Variants in LUZP2 observed in about 807,000 individuals in gnomAD.
LUZP2 encodes the protein leucine zipper protein 2.
LUZP2 carries 52 observed loss-of-function variants against 51.6 expected under a neutral mutation model. The observed-to-expected ratio is 1.01, with a 90% confidence interval of 0.81 to 1.27. The LOEUF is 1.27. Among genes scored for constraint, LUZP2 ranks in the 50% most tolerant of loss-of-function variants. The pLI is 0.00. For synonymous variants in LUZP2, 154 were observed against 137.3 expected (o/e 1.12, Z -0.85); for missense variants, 436 against 395.4 (o/e 1.10, Z -0.87).
rs1365375637 is a variant in LUZP2 at position 24,600,207 on chromosome 11, ACACACACACACG to A, written c.62+102907_62+102918del. Among the ~76,000 whole-genome samples the A allele has an allele frequency of 1.7e-3, 225 of 132,764 alleles. 2 individuals carry two copies. Among genetic ancestry groups the A allele is most frequent in the African/African-American group, 5.8e-3 (208 of 35,634 alleles). 87.1% of individuals were successfully genotyped at this position (132,764 alleles called of 152,430 possible). On this transcript the variant is annotated intron_variant, in intron 1 of 11. Coordinates refer to ENST00000336930, the MANE Select transcript of LUZP2 (RefSeq NM_001009909.4). ...CACACACACACACACACACACACAC[ACACACACACACG>A]CACAATGGGGTAACATCATGTGAAG...
chr11:24,758,520 A>G (rs1000148943), intron 4 of LUZP2, among the ~76,000 whole-genome samples: 2 of 152,090 alleles, frequency 1.3e-5, no homozygotes, highest in Admixed American at 6.6e-5. Flanking sequence ...TAGGTTAAAT[A>G]AGGATTAAAT....
chr11:24,768,165 ACT>A (rs1232657775), intron 5 of LUZP2, among the ~76,000 whole-genome samples: 1 of 151,768 alleles, frequency 6.6e-6, no homozygotes, highest in Non-Finnish European at 1.5e-5. Flanking sequence ...ACAGGGTCTC[ACT>A]CTGTCGCCCT....
intron 1 of LUZP2, among the ~76,000 whole-genome samples, chr11:24,592,205 C>T (rs1446224116): frequency 2.0e-5 from 3 of 152,182 alleles, no homozygotes; most frequent in African/African-American, 7.2e-5. Context: ...TTAGATTTAT[C>T]TGCCTGACAA....
At chr11:24,850,618 C>T (rs757458749) in intron 5 of LUZP2, among the ~76,000 whole-genome samples, 8 of 152,012 alleles carry the variant, frequency 5.3e-5, no homozygotes, top group Non-Finnish European at 5.9e-5. Flanking sequence ...TTTTTTATTC[C>T]ATATGAAATT....
chr11:25,077,348 T>C lies in LUZP2; in HGVS notation c.878T>C (p.Met293Thr). 6.2e-7 allele frequency: 1 copy of C among 1,612,858 alleles called. No homozygotes were observed. The part of the protein sequence containing the change: ...DSQDEGRPCS[M>T]KHKESPPSNA... ...TTGTAGGAGGGCAGACCGTGTTCCA[T>C]GAAGCACAAAGAAAGTCCCCCAAGT... The change falls in exon 11 of 12, where the codon ATG becomes ACG. Residue 293 changes from methionine to threonine, a missense_variant. By Grantham distance (81) the Met-to-Thr change is moderately conservative. Transcript: ENST00000336930.
intron 5 of LUZP2, among the ~76,000 whole-genome samples, chr11:24,843,261 T>C (rs1427454852): frequency 6.6e-6 from 1 of 152,018 alleles, no homozygotes; most frequent in Admixed American, 6.6e-5. Flanking sequence ...CAAAACAAAG[T>C]GGGGCCATTT....
intron 7 of LUZP2, among the ~76,000 whole-genome samples, chr11:24,954,743 A>G (rs1855168826): frequency 6.6e-6 from 1 of 152,076 alleles, no homozygotes; most frequent in Non-Finnish European, 1.5e-5. Flanking sequence ...GTGTACATCC[A>G]CACCATACCA....
At chr11:24,943,856 C>T (rs573443238) in intron 7 of LUZP2, among the ~76,000 whole-genome samples, 23 of 133,304 alleles carry the variant, frequency 1.7e-4, no homozygotes, top group Admixed American at 2.6e-4. Flanking sequence ...CCAGCCTGGG[C>T]GACAGAGGGA....
At chr11:24,540,227 G>A (rs893458056) in intron 1 of LUZP2, among the ~76,000 whole-genome samples, 2 of 151,982 alleles carry the variant, frequency 1.3e-5, no homozygotes, top group African/African-American at 4.8e-5. Context: ...CTTCAAATAC[G>A]TTAGAAGCCC....
chr11:24,953,223 A>G lies in LUZP2; in HGVS notation c.523-23368A>G, dbSNP rs1470386445. ...TTTTGAAATGATTTTTGGAATAAGCATCTAGTGCAGCTGCTGTACTTTGGC... is the reference window on the plus strand; with the variant it reads ...TTTTGAAATGATTTTTGGAATAAGCGTCTAGTGCAGCTGCTGTACTTTGGC... On this transcript the variant is annotated intron_variant, in intron 7 of 11. Coordinates refer to ENST00000336930, the MANE Select transcript of LUZP2 (RefSeq NM_001009909.4). Among the ~76,000 whole-genome samples, 6 of 151,982 alleles carry G rather than the reference A, an allele frequency of 3.9e-5. No individual in the cohort carries two copies. The South Asian group carries it at 1.0e-3, about 26-fold the overall frequency.
At chr11:24,728,504 T>C (rs2133965059) in intron 1 of LUZP2, among the ~76,000 whole-genome samples, 1 of 151,974 alleles carries the variant, frequency 6.6e-6, no homozygotes, top group East Asian at 1.9e-4. Flanking sequence ...TTTTTTTCCC[T>C]CCTCCCATTC....
At chr11:24,833,251 C>T (rs1023875577) in intron 5 of LUZP2, among the ~76,000 whole-genome samples, 6 of 152,156 alleles carry the variant, frequency 3.9e-5, no homozygotes, top group African/African-American at 1.2e-4. Context: ...ATTTCTATCT[C>T]TGTAACAATT....
chr11:24,517,030 T>C (rs111266360), intron 1 of LUZP2, among the ~76,000 whole-genome samples: 5 of 152,204 alleles, frequency 3.3e-5, no homozygotes, highest in Non-Finnish European at 4.4e-5. Context: ...ATTTTTGTCT[T>C]TGAACCTTTC....
chr11:24,865,996 G>C (rs931800442), intron 5 of LUZP2, among the ~76,000 whole-genome samples: 1 of 151,474 alleles, frequency 6.6e-6, no homozygotes, highest in Non-Finnish European at 1.5e-5. Flanking sequence ...TTTTAGTAGA[G>C]AGGGGTTTCA....
chr11:24,779,485 G>T lies in LUZP2; in HGVS notation c.396+16177G>T, dbSNP rs116367344. On this transcript the variant is annotated intron_variant, in intron 5 of 11. Transcript: ENST00000336930. ...AATACTGACCACCACAGTTGGGAGG[G>T]TAAAATGAGATAATAATTACAAGAA... is the stretch of plus-strand genomic sequence containing the variant. 5.7e-3 allele frequency among the ~76,000 whole-genome samples: 861 copies of T among 152,200 alleles called. 9 individuals are homozygous for T. The highest frequency in any genetic ancestry group is 0.018 in the African/African-American group (758 of 41,526).
At chr11:24,896,092 G>A (rs1285940623) in intron 5 of LUZP2, among the ~76,000 whole-genome samples, 2 of 152,196 alleles carry the variant, frequency 1.3e-5, no homozygotes, top group Non-Finnish European at 2.9e-5. Context: ...GAAGATTAGT[G>A]ATGTTGAACA....
Position 24,926,902 on chromosome 11 carries a change from TA to T in LUZP2, c.522+12365del, listed in dbSNP as rs140908283. On this transcript the variant is annotated intron_variant, in intron 7 of 11. Coordinates refer to ENST00000336930, the MANE Select transcript of LUZP2 (RefSeq NM_001009909.4). ...TTTTCACCACATTCACACCAACAAC[TA>T]TTTTTTTTTTATTTTTTGATTATGA... Among the ~76,000 whole-genome samples, 970 of 151,678 alleles carry T rather than the reference TA, an allele frequency of 6.4e-3. 1 individual carries two copies. The highest frequency in any genetic ancestry group is 0.01 in the Middle Eastern group (3 of 294).
At chr11:24,975,323 A>G (rs544480072) in intron 7 of LUZP2, among the ~76,000 whole-genome samples, 6 of 152,120 alleles carry the variant, frequency 3.9e-5, no homozygotes, top group Admixed American at 1.3e-4. Flanking sequence ...GCTTTCCTAT[A>G]GAAAATTAAA....
chr11:24,943,791 C>G (rs1249884530), intron 7 of LUZP2, among the ~76,000 whole-genome samples: 1 of 150,504 alleles, frequency 6.6e-6, no homozygotes, highest in East Asian at 2.0e-4. Flanking sequence ...GGCATGAGAA[C>G]CACTTGAACC....
Sources: gnomAD v4.1 joint callset for allele counts (sites outside exome capture counted in the v4.1 genomes callset) on GRCh38, gnomAD v4.1.1 for gene constraint, MANE v1.5 for transcripts, NCBI Gene and HGNC (gene_info 2026-07-23, HGNC 2026-07-21) for gene names.